The following PLCB1 variants were observed in gnomAD, a reference collection of about 807,000 sequenced individuals.
The protein encoded by PLCB1 is phospholipase C beta 1.
PLCB1 carries 46 observed loss-of-function variants against 161.8 expected under a neutral mutation model. That is an observed-to-expected ratio of 0.28 (90% CI 0.22 to 0.36). The LOEUF (loss-of-function observed/expected upper bound fraction) is 0.36. PLCB1 is among the 10% of genes least tolerant of loss of function. The probability of loss-of-function intolerance (pLI) is 1.00; values close to 1 mark genes in which losing one functional copy is unlikely to be tolerated. For synonymous variants in PLCB1, 517 were observed against 503.7 expected (o/e 1.03, Z -0.35); for missense variants, 1,016 against 1,472.5 (o/e 0.69, Z 5.07).
chr20:8,764,806 C>T (rs1982228575), intron 25 of PLCB1, among the ~76,000 whole-genome samples: 1 of 152,180 alleles, frequency 6.6e-6, no homozygotes, highest in African/African-American at 2.4e-5. Flanking sequence ...CTTCCCCAGC[C>T]CCGTCTGCTT....
intron 3 of PLCB1, among the ~76,000 whole-genome samples, chr20:8,561,410 G>T (rs1986137941): frequency 6.6e-6 from 1 of 151,896 alleles, no homozygotes; most frequent in South Asian, 2.1e-4. Flanking sequence ...AGATAGTCGG[G>T]ATATGAGCAG....
chr20:8,450,816 G>A (rs1981043144), intron 3 of PLCB1, among the ~76,000 whole-genome samples: 1 of 152,142 alleles, frequency 6.6e-6, no homozygotes, highest in South Asian at 2.1e-4. Context: ...AGAAGCTAAT[G>A]TTACCCTGGA....
chr20:8,716,695 T>C (rs1383567649), intron 13 of PLCB1, among the ~76,000 whole-genome samples: 2 of 152,308 alleles, frequency 1.3e-5, no homozygotes, highest in Middle Eastern at 3.4e-3. Context: ...GATGAATGGA[T>C]TGGCAAAACA....
chr20:8,625,907 A>G (rs1259542979), intron 3 of PLCB1, among the ~76,000 whole-genome samples: 3 of 152,106 alleles, frequency 2.0e-5, no homozygotes, highest in Non-Finnish European at 2.9e-5. Context: ...CTTTTAAAAA[A>G]TATAAAACAC....
At chr20:8,744,330 A>G (rs549282663) in intron 23 of PLCB1, among the ~76,000 whole-genome samples, 198 of 152,306 alleles carry the variant, frequency 1.3e-3, no homozygotes, top group African/African-American at 4.5e-3. Context: ...TTAGTTAGCC[A>G]TTGTCTCTAA....
At chr20:8,879,496 G>A (rs1178318136) in intron 31 of PLCB1, among the ~76,000 whole-genome samples, 4 of 151,978 alleles carry the variant, frequency 2.6e-5, no homozygotes, top group Non-Finnish European at 5.9e-5. Context: ...TTAAGTTCAT[G>A]TATAGTCATA....
chr20:8,626,604 A>G (rs2123212496), intron 3 of PLCB1, among the ~76,000 whole-genome samples: 1 of 152,332 alleles, frequency 6.6e-6, no homozygotes, highest in East Asian at 1.9e-4. Flanking sequence ...CAATGTATAG[A>G]TCTGATTCAT....
At chr20:8,211,763 G>T (rs1247982920) in intron 2 of PLCB1, among the ~76,000 whole-genome samples, 1 of 152,048 alleles carries the variant, frequency 6.6e-6, no homozygotes, top group Non-Finnish European at 1.5e-5. Context: ...GTTCTTTTGT[G>T]AATTATGATT....
chr20:8,858,859 T>C (rs1298785248), intron 31 of PLCB1, among the ~76,000 whole-genome samples: 1 of 144,066 alleles, frequency 6.9e-6, no homozygotes, highest in Non-Finnish European at 1.5e-5. Flanking sequence ...ATTCCCTTTT[T>C]CCCAACTCTT....
intron 2 of PLCB1, among the ~76,000 whole-genome samples, chr20:8,228,684 T>TGTATTTA (rs749935967): frequency 2.2e-5 from 2 of 89,236 alleles, no homozygotes; most frequent in African/African-American, 8.1e-5. Context: ...TAATTTTTTT[T>TGTATTTA]TGTATTTATT....
At chr20:8,372,401 T>A (rs1248467137) in intron 3 of PLCB1, among the ~76,000 whole-genome samples, 4 of 152,212 alleles carry the variant, frequency 2.6e-5, no homozygotes, top group African/African-American at 9.6e-5. Flanking sequence ...AAAAAGGCAG[T>A]AGGTGCCAGC....
At chr20:8,198,078 T>C (rs1447351609) in intron 2 of PLCB1, among the ~76,000 whole-genome samples, 4 of 152,176 alleles carry the variant, frequency 2.6e-5, no homozygotes, top group Non-Finnish European at 5.9e-5. Context: ...TAGTATAGTT[T>C]GAAGTCAGGT....
At chr20:8,522,457 A>G (rs945266389) in intron 3 of PLCB1, among the ~76,000 whole-genome samples, 4 of 152,092 alleles carry the variant, frequency 2.6e-5, no homozygotes, top group Non-Finnish European at 5.9e-5. Context: ...TTCAGAATAG[A>G]CCAATAAAAT....
At chr20:8,288,345 A>C (rs1983222552) in intron 2 of PLCB1, among the ~76,000 whole-genome samples, 1 of 152,220 alleles carries the variant, frequency 6.6e-6, no homozygotes, top group Admixed American at 6.5e-5. Context: ...GAAGAGGAGA[A>C]GTTACTATTT....
intron 3 of PLCB1, among the ~76,000 whole-genome samples, chr20:8,434,548 A>G (rs926325139): frequency 1.3e-5 from 2 of 152,236 alleles, no homozygotes. Flanking sequence ...CATTTTACAC[A>G]TATTAGAAAT....
chr20:8,696,446 T>C (rs1400369182), intron 10 of PLCB1, among the ~76,000 whole-genome samples: 2 of 152,212 alleles, frequency 1.3e-5, no homozygotes, highest in Admixed American at 1.3e-4. Flanking sequence ...CCATCTTTGT[T>C]CTTATTTTTC....
At chr20:8,259,927 A>G (rs972187744) in intron 2 of PLCB1, among the ~76,000 whole-genome samples, 1 of 152,074 alleles carries the variant, frequency 6.6e-6, no homozygotes, top group Non-Finnish European at 1.5e-5. Context: ...TGGGTGTCTC[A>G]CATAAGCATG....
intron 3 of PLCB1, among the ~76,000 whole-genome samples, chr20:8,380,527 T>C (rs1600358650): frequency 6.6e-6 from 1 of 152,348 alleles, no homozygotes; most frequent in East Asian, 1.9e-4. Flanking sequence ...AATCTATAAA[T>C]TATTTTGGGC....
At chr20:8,463,485 C>T (rs1177715033) in intron 3 of PLCB1, among the ~76,000 whole-genome samples, 1 of 152,048 alleles carries the variant, frequency 6.6e-6, no homozygotes, top group Non-Finnish European at 1.5e-5. Flanking sequence ...AAGAATCATA[C>T]TGAACAAAAA....
Sources: gnomAD v4.1 joint callset for allele counts (sites outside exome capture counted in the v4.1 genomes callset) on GRCh38, gnomAD v4.1.1 for gene constraint, MANE v1.5 for transcripts, NCBI Gene and HGNC (gene_info 2026-07-23, HGNC 2026-07-21) for gene names.